Variants in PTPRD observed in about 807,000 individuals in gnomAD.
PTPRD encodes the protein receptor-type tyrosine-protein phosphatase delta.
A neutral mutation model predicts 214.5 loss-of-function variants in PTPRD; 34 were observed. The observed-to-expected ratio is 0.16, with a 90% CI of 0.12 to 0.21. The LOEUF (loss-of-function observed/expected upper bound fraction) is 0.21, where lower values mean the gene tolerates loss of function less well. Among genes scored for constraint, PTPRD ranks in the 10% least tolerant of loss-of-function variants. The probability of loss-of-function intolerance (pLI) is 1.00; values close to 1 mark genes in which losing one functional copy is unlikely to be tolerated. For synonymous variants in PTPRD, 1,128 were observed against 845.7 expected (o/e 1.33, Z -5.79); for missense variants, 2,545 against 2,398.7 (o/e 1.06, Z -1.27).
chr9:9,952,323 G>T (rs1003476003), intron 4 of PTPRD, among the ~76,000 whole-genome samples: 1 of 152,156 alleles, frequency 6.6e-6, no homozygotes, highest in African/African-American at 2.4e-5. Flanking sequence ...TTAAACAGAA[G>T]GTGTATATAA....
At chr9:9,989,016 CAAAAAAAAAAAAAAAA>C (rs397836899) in intron 4 of PTPRD, among the ~76,000 whole-genome samples, 2 of 36,288 alleles carry the variant, frequency 5.5e-5, no homozygotes, top group Non-Finnish European at 1.1e-4. Context: ...TTTCACTGAC[CAAAAAAAAAAAAAAAA>C]AAAAAAAAAA....
At chr9:9,497,442 T>C (rs904828588) in intron 8 of PTPRD, among the ~76,000 whole-genome samples, 17 of 152,194 alleles carry the variant, frequency 1.1e-4, no homozygotes, top group African/African-American at 3.6e-4. Context: ...TGTTTTTAAA[T>C]GACTCACTTT....
intron 9 of PTPRD, among the ~76,000 whole-genome samples, chr9:9,190,142 G>A (rs566477428): frequency 6.6e-6 from 1 of 152,160 alleles, no homozygotes; most frequent in East Asian, 1.9e-4. Flanking sequence ...AGACCTTTAA[G>A]AGGTGATTAG....
chr9:9,370,048 G>T (rs1463520658), intron 9 of PTPRD, among the ~76,000 whole-genome samples: 1 of 152,104 alleles, frequency 6.6e-6, no homozygotes, highest in Non-Finnish European at 1.5e-5. Context: ...GTAGCGTGAT[G>T]CCTCCAGCTT....
At chr9:9,126,122 A>G (rs1173140241) in intron 10 of PTPRD, among the ~76,000 whole-genome samples, 1 of 152,204 alleles carries the variant, frequency 6.6e-6, no homozygotes, top group African/African-American at 2.4e-5. Flanking sequence ...GCTAGGAGTT[A>G]GGCTTTTATT....
chr9:8,549,746 T>A (rs1056532741), intron 14 of PTPRD, among the ~76,000 whole-genome samples: 2 of 152,174 alleles, frequency 1.3e-5, no homozygotes, highest in African/African-American at 4.8e-5. Context: ...TTATTCAAAT[T>A]GTAAATTATC....
At chr9:10,301,480 G>A (rs947627980) in intron 3 of PTPRD, among the ~76,000 whole-genome samples, 3 of 152,168 alleles carry the variant, frequency 2.0e-5, no homozygotes, top group Admixed American at 6.5e-5. Flanking sequence ...CCGAGCTAAA[G>A]AGGCATGTTC....
intron 3 of PTPRD, among the ~76,000 whole-genome samples, chr9:10,244,998 GAAAC>G (rs1450033411): frequency 6.6e-6 from 1 of 151,996 alleles, no homozygotes; most frequent in Non-Finnish European, 1.5e-5. Flanking sequence ...TAATAAAAAT[GAAAC>G]AATAATGAAA....
chr9:9,554,218 T>C (rs572471928), intron 8 of PTPRD, among the ~76,000 whole-genome samples: 2 of 152,190 alleles, frequency 1.3e-5, no homozygotes, highest in East Asian at 3.9e-4. Context: ...TTATCTTCAA[T>C]GTTGTGCCAA....
chr9:8,432,297 G>T (rs989327237), intron 35 of PTPRD, among the ~76,000 whole-genome samples: 2 of 152,176 alleles, frequency 1.3e-5, no homozygotes, highest in Non-Finnish European at 2.9e-5. Flanking sequence ...TGTTTATAAA[G>T]ACCTGCAGAG....
chr9:8,800,412 G>A (rs936956440), intron 11 of PTPRD, among the ~76,000 whole-genome samples: 2 of 152,200 alleles, frequency 1.3e-5, no homozygotes, highest in East Asian at 1.9e-4. Flanking sequence ...GAGATAGGAG[G>A]TCAGCACAAG....
At chr9:10,056,039 A>G (rs2097638331) in intron 3 of PTPRD, among the ~76,000 whole-genome samples, 1 of 145,622 alleles carries the variant, frequency 6.9e-6, no homozygotes, top group Admixed American at 6.7e-5. Context: ...ATGTCATTAA[A>G]GAGCCGGGCG....
At chr9:9,368,594 G>T (rs554740634) in intron 9 of PTPRD, among the ~76,000 whole-genome samples, 1 of 151,774 alleles carries the variant, frequency 6.6e-6, no homozygotes, top group Admixed American at 6.6e-5. Context: ...AAGTCCCAAA[G>T]ATTATTCTTA....
chr9:9,528,919 T>C (rs2074801167), intron 8 of PTPRD, among the ~76,000 whole-genome samples: 1 of 150,240 alleles, frequency 6.7e-6, no homozygotes, highest in African/African-American at 2.5e-5. Flanking sequence ...AATTTACCAG[T>C]TTCTTTCTTT....
intron 5 of PTPRD, among the ~76,000 whole-genome samples, chr9:9,937,556 A>G (rs2089993432): frequency 6.6e-6 from 1 of 152,108 alleles, no homozygotes; most frequent in Non-Finnish European, 1.5e-5. Context: ...AGATATTCCT[A>G]ATTATTTACT....
chr9:9,143,228 G>A (rs114040096), intron 10 of PTPRD, among the ~76,000 whole-genome samples: 154 of 152,168 alleles, frequency 1.0e-3, no homozygotes, highest in African/African-American at 3.6e-3. Context: ...TGTTTATGCC[G>A]AATCTATAAA....
chr9:9,085,443 T>C (rs1383023830), intron 10 of PTPRD, among the ~76,000 whole-genome samples: 2 of 152,176 alleles, frequency 1.3e-5, no homozygotes, highest in African/African-American at 2.4e-5. Flanking sequence ...CGGGTACTAA[T>C]GGACATTTCT....
intron 8 of PTPRD, among the ~76,000 whole-genome samples, chr9:9,510,968 T>A (rs190772705): frequency 6.6e-6 from 1 of 151,838 alleles, no homozygotes; most frequent in African/African-American, 2.4e-5. Context: ...TAGTGGGACC[T>A]CTGGGAGACA....
chr9:8,719,359 C>T (rs1412892662), intron 12 of PTPRD, among the ~76,000 whole-genome samples: 1 of 152,188 alleles, frequency 6.6e-6, no homozygotes, highest in Non-Finnish European at 1.5e-5. Flanking sequence ...AGATGTGCTC[C>T]TTGAACATAT....
Sources: gnomAD v4.1 joint callset for allele counts (sites outside exome capture counted in the v4.1 genomes callset) on GRCh38, gnomAD v4.1.1 for gene constraint, MANE v1.5 for transcripts, NCBI Gene and HGNC (gene_info 2026-07-23, HGNC 2026-07-21) for gene names.